The following MAP2 variants were observed in gnomAD, a reference collection of about 807,000 sequenced individuals.
The protein encoded by MAP2 is microtubule-associated protein 2.
A neutral mutation model predicts 137.6 loss-of-function variants in MAP2; 14 were observed. The ratio of observed to expected loss-of-function variants is 0.10; its 90% CI spans 0.07 to 0.16. The LOEUF is 0.16. MAP2 is among the 10% of genes least tolerant of loss of function. MAP2 has a pLI of 1.00. For synonymous variants in MAP2, 786 were observed against 782.3 expected, an observed-to-expected ratio of 1.00 and a Z score of -0.08; for missense variants, 2,088 against 2,191.5, an observed-to-expected ratio of 0.95 and a Z score of 0.94.
chr2:209,692,232 A>G (rs1291074137), intron 7 of MAP2, among the ~76,000 whole-genome samples: 1 of 151,834 alleles, frequency 6.6e-6, no homozygotes, highest in East Asian at 1.9e-4. Context: ...TTGTACCCTA[A>G]CATTAGCTGC....
chr2:209,666,755 G>GA (rs1428856472), intron 5 of MAP2, among the ~76,000 whole-genome samples: 1 of 151,284 alleles, frequency 6.6e-6, no homozygotes, highest in Non-Finnish European at 1.5e-5. Context: ...TTTATGTGAA[G>GA]AAAAAAATTT....
intron 1 of MAP2, among the ~76,000 whole-genome samples, chr2:209,496,093 C>A (rs190118572): frequency 6.2e-4 from 95 of 152,252 alleles, no homozygotes; most frequent in African/African-American, 2.2e-3. Context: ...TGCCTCGCTT[C>A]CTATGATGTT....
At chr2:209,572,710 C>T (rs989692129) in intron 2 of MAP2, among the ~76,000 whole-genome samples, 3 of 152,054 alleles carry the variant, frequency 2.0e-5, no homozygotes, top group Admixed American at 2.0e-4. Context: ...TAAATTTGTC[C>T]ATTGTTTGCT....
At chr2:209,580,152 T>C (rs1297195346) in intron 3 of MAP2, 52 bp downstream of exon 3, 1 of 151,980 alleles carries the variant, frequency 6.6e-6, no homozygotes, top group African/African-American at 2.4e-5. Flanking sequence ...AGGGGAGAAT[T>C]GGAATGTTTT....
intron 5 of MAP2, among the ~76,000 whole-genome samples, chr2:209,668,289 G>A (rs746316534): frequency 5.3e-5 from 8 of 151,948 alleles, no homozygotes; most frequent in Non-Finnish European, 7.4e-5. Flanking sequence ...GTGGAGAGAT[G>A]CAGCTATAGA....
intron 5 of MAP2, 80 bp downstream of exon 5, chr2:209,653,512 G>A: frequency 5.0e-6 from 7 of 1,396,870 alleles, no homozygotes; most frequent in East Asian, 2.4e-5. Flanking sequence ...TTAATATACA[G>A]CACTGATCCT....
intron 4 of MAP2, among the ~76,000 whole-genome samples, chr2:209,634,432 A>G (rs2093377402): frequency 6.6e-6 from 1 of 152,126 alleles, no homozygotes. Context: ...GCCAGGGTCC[A>G]GACTTCTTCC....
intron 3 of MAP2, among the ~76,000 whole-genome samples, chr2:209,614,703 C>A (rs1383219151): frequency 6.6e-6 from 1 of 152,058 alleles, no homozygotes; most frequent in African/African-American, 2.4e-5. Flanking sequence ...TGTTGGCTGC[C>A]ACTGTTAAGA....
At chr2:209,490,878 T>A (rs2059025815) in intron 1 of MAP2, among the ~76,000 whole-genome samples, 1 of 151,944 alleles carries the variant, frequency 6.6e-6, no homozygotes, top group Non-Finnish European at 1.5e-5. Flanking sequence ...CATTGTCAAA[T>A]AAGACCGATC....
intron 3 of MAP2, among the ~76,000 whole-genome samples, chr2:209,610,131 T>C (rs1348198023): frequency 1.3e-5 from 2 of 152,138 alleles, no homozygotes; most frequent in East Asian, 3.9e-4. Flanking sequence ...GAGGATATTT[T>C]AGCTGTGATC....
intron 2 of MAP2, among the ~76,000 whole-genome samples, chr2:209,562,506 G>A (rs1200284417): frequency 6.6e-6 from 1 of 152,002 alleles, no homozygotes; most frequent in Non-Finnish European, 1.5e-5. Context: ...AAACCAGCCT[G>A]TCCAACATGG....
At chr2:209,640,586 T>A (rs1418093078) in intron 4 of MAP2, among the ~76,000 whole-genome samples, 2 of 151,842 alleles carry the variant, frequency 1.3e-5, no homozygotes, top group East Asian at 3.9e-4. Context: ...ATGCTGTAAA[T>A]CTGTTTACAC....
chr2:209,627,501 A>G (rs2153538188), intron 4 of MAP2, among the ~76,000 whole-genome samples: 1 of 152,264 alleles, frequency 6.6e-6, no homozygotes, highest in Middle Eastern at 3.4e-3. Flanking sequence ...CATTTTGCAT[A>G]GGAGGCAAAT....
chr2:209,653,254 A>G lies in MAP2; in HGVS notation c.84A>G (p.Pro28=), dbSNP rs1296302599. Residue 28 remains proline (P), a synonymous_variant, in exon 5 of 16, where the codon CCA becomes CCG. Transcript: ENST00000682079. Reference sequence around the variant, plus strand: ...CAGAGGCATCTGCACACTCACATCCACCTGAGATTAAGGATCAAGGCGGAG... The same window carrying G: ...CAGAGGCATCTGCACACTCACATCCGCCTGAGATTAAGGATCAAGGCGGAG... ...PLTEASAHSH[P]PEIKDQGGAG... 6.2e-7 allele frequency: 1 copy of G among 1,613,994 alleles called. No individual in the cohort carries two copies. Among genetic ancestry groups the G allele is most frequent in the Non-Finnish European group, 8.5e-7 (1 of 1,180,006 alleles).
chr2:209,711,629 A>G (rs2065505660), intron 13 of MAP2, among the ~76,000 whole-genome samples: 1 of 152,214 alleles, frequency 6.6e-6, no homozygotes, highest in Non-Finnish European at 1.5e-5. Flanking sequence ...AACTCAAACT[A>G]TTCTTGCGTT....
chr2:209,439,969 A>C (rs1339527386), intron 1 of MAP2, among the ~76,000 whole-genome samples: 1 of 151,344 alleles, frequency 6.6e-6, no homozygotes, highest in Non-Finnish European at 1.5e-5. Flanking sequence ...TAAGTTACAA[A>C]CTGTTCTATT....
rs2076065850 is a variant in MAP2, at chr2:209,580,100, G to A, written c.-107G>A. ...GAGCTACTCATTCAGAAAATTAAAAGGTACCACATGTTTTGTTTGGATGTT... is the reference window on the plus strand; with the variant it reads ...GAGCTACTCATTCAGAAAATTAAAAAGTACCACATGTTTTGTTTGGATGTT... On this transcript the variant is annotated splice_region_variant and 5_prime_UTR_variant, in exon 3 of 16. Transcript: ENST00000682079. The A allele has an allele frequency of 6.6e-6, 1 of 151,644 alleles. No individual in the cohort carries two copies. The highest frequency in any genetic ancestry group is 6.6e-5 in the Admixed American group (1 of 15,226). The allele number at this position is 151,644 out of a possible 1,614,324, so 9.4% of individuals were successfully genotyped here.
intron 1 of MAP2, among the ~76,000 whole-genome samples, chr2:209,448,030 G>A (rs1379507703): frequency 2.0e-5 from 3 of 152,090 alleles, no homozygotes; most frequent in African/African-American, 7.2e-5. Flanking sequence ...GCTGTCTGGT[G>A]ATTCAGATGC....
chr2:209,466,647 T>A (rs544206509), intron 1 of MAP2, among the ~76,000 whole-genome samples: 31 of 152,306 alleles, frequency 2.0e-4, no homozygotes, highest in Admixed American at 1.6e-3. Context: ...GGAGCAAAGA[T>A]TTAAGCTAGC....
Sources: gnomAD v4.1 joint callset for allele counts (sites outside exome capture counted in the v4.1 genomes callset) on GRCh38, gnomAD v4.1.1 for gene constraint, MANE v1.5 for transcripts, NCBI Gene and HGNC (gene_info 2026-07-23, HGNC 2026-07-21) for gene names.